Variants in STK39 observed in about 807,000 individuals in gnomAD.
STK39 encodes the protein serine/threonine kinase 39, also known as STE20/SPS1-related proline-alanine-rich protein kinase.
STK39 carries 20 observed loss-of-function variants against 77.8 expected under a neutral mutation model. That is an observed-to-expected ratio of 0.26 (90% CI 0.18 to 0.37). STK39 has a LOEUF of 0.37. STK39 is among the 10% of genes least tolerant of loss of function. The pLI is 1.00. For synonymous variants in STK39, 246 were observed against 234.1 expected, an observed-to-expected ratio of 1.05 and a Z score of -0.47; for missense variants, 479 against 656.5, an observed-to-expected ratio of 0.73 and a Z score of 2.95.
At chr2:168,063,656 C>G in intron 13 of STK39, 86 bp from the exon 14 acceptor site, 2 of 1,282,132 alleles carry the variant, frequency 1.6e-6, no homozygotes, top group South Asian at 2.7e-5. Flanking sequence ...TTCATATAGC[C>G]ATTTCTTTCT....
At chr2:168,111,560 C>T (rs1401486396) in intron 10 of STK39, among the ~76,000 whole-genome samples, 1 of 152,154 alleles carries the variant, frequency 6.6e-6, no homozygotes, top group African/African-American at 2.4e-5. Context: ...TGTTTTACTT[C>T]TCTAGCTGAT....
At chr2:167,964,618 C>A (rs1173882318) in intron 17 of STK39, 44 bp downstream of exon 17, 1 of 1,525,232 alleles carries the variant, frequency 6.6e-7, no homozygotes, top group South Asian at 1.1e-5. Flanking sequence ...GCTGGCACAG[C>A]ATGGCAAAAT....
chr2:168,228,661 A>C (rs1204512204), intron 1 of STK39, among the ~76,000 whole-genome samples: 2 of 152,106 alleles, frequency 1.3e-5, no homozygotes, highest in Admixed American at 6.5e-5. Context: ...GTGGTGGTAC[A>C]TGCCTGTAAT....
At chr2:167,973,394 T>C (rs1692403556) in intron 16 of STK39, among the ~76,000 whole-genome samples, 2 of 152,326 alleles carry the variant, frequency 1.3e-5, no homozygotes, top group Admixed American at 6.5e-5. Context: ...GAATTAGCCA[T>C]GCCCCCTAGC....
intron 4 of STK39, 128 bp downstream of exon 4, chr2:168,163,611 C>T: frequency 6.3e-7 from 1 of 1,586,298 alleles, no homozygotes; most frequent in Non-Finnish European, 8.5e-7. Flanking sequence ...ATATGAACAT[C>T]TGAATTTAAA....
chr2:168,070,282 G>A (rs1250405123), intron 12 of STK39, among the ~76,000 whole-genome samples: 2 of 152,124 alleles, frequency 1.3e-5, no homozygotes, highest in Non-Finnish European at 2.9e-5. Flanking sequence ...ATCAGGCACA[G>A]ATTAAACATC....
At chr2:167,998,458 T>C (rs549222411) in intron 16 of STK39, among the ~76,000 whole-genome samples, 18 of 152,360 alleles carry the variant, frequency 1.2e-4, no homozygotes, top group Non-Finnish European at 2.4e-4. Flanking sequence ...TTCTACTTTG[T>C]ATGTAGTGCT....
intron 5 of STK39, among the ~76,000 whole-genome samples, chr2:168,150,045 T>C (rs1688239200): frequency 1.3e-5 from 2 of 152,368 alleles, no homozygotes; most frequent in South Asian, 4.1e-4. Context: ...AGTCCCACTC[T>C]AGACCTACTG....
intron 10 of STK39, among the ~76,000 whole-genome samples, chr2:168,106,264 TC>T: frequency 6.6e-6 from 1 of 152,340 alleles, no homozygotes; most frequent in East Asian, 1.9e-4. Context: ...TTTATGCACC[TC>T]AGTTTTCTCA....
intron 1 of STK39, among the ~76,000 whole-genome samples, chr2:168,193,402 C>T (rs1375387884): frequency 6.6e-6 from 1 of 152,208 alleles, no homozygotes. Flanking sequence ...ATATGAACTG[C>T]AGGAACACAA....
chr2:167,980,794 TTAAAG>T (rs1349176917), intron 16 of STK39, among the ~76,000 whole-genome samples: 3 of 151,884 alleles, frequency 2.0e-5, no homozygotes, highest in African/African-American at 7.2e-5. Flanking sequence ...TCCAAAGCCT[TTAAAG>T]TAAAGGTTTT....
chr2:168,242,560 A>AAATATAT (rs1296747890), intron 1 of STK39, among the ~76,000 whole-genome samples: 11 of 44,854 alleles, frequency 2.5e-4, no homozygotes, highest in African/African-American at 7.7e-4. Context: ...AAAAAAAAAA[A>AAATATAT]ATATATATAT....
At chr2:168,010,979 A>G (rs1684255305) in intron 16 of STK39, among the ~76,000 whole-genome samples, 1 of 152,204 alleles carries the variant, frequency 6.6e-6, no homozygotes, top group Non-Finnish European at 1.5e-5. Flanking sequence ...CTTATTTTGA[A>G]TAAGTTATTT....
intron 10 of STK39, among the ~76,000 whole-genome samples, chr2:168,090,752 C>G (rs1447853549): frequency 1.3e-5 from 2 of 152,166 alleles, no homozygotes; most frequent in African/African-American, 4.8e-5. Context: ...CAGAAAACAA[C>G]CATCTTTTGC....
chr2:168,080,104 C>A (rs1686188131), intron 10 of STK39, among the ~76,000 whole-genome samples: 1 of 152,132 alleles, frequency 6.6e-6, no homozygotes, highest in Admixed American at 6.5e-5. Flanking sequence ...CAAGTCCATC[C>A]AATGGAGCAA....
At chr2:168,195,972 G>A (rs539019531) in intron 1 of STK39, among the ~76,000 whole-genome samples, 1 of 152,124 alleles carries the variant, frequency 6.6e-6, no homozygotes, top group Non-Finnish European at 1.5e-5. Flanking sequence ...GGCCAAGATC[G>A]TGCCATTGCA....
At chr2:168,064,307 C>T (rs1685739991) in intron 13 of STK39, among the ~76,000 whole-genome samples, 1 of 152,156 alleles carries the variant, frequency 6.6e-6, no homozygotes, top group Admixed American at 6.5e-5. Context: ...TCTCTTTGCC[C>T]TCTGATCCAT....
chr2:168,012,576 A>C, intron 16 of STK39, 58 bp downstream of exon 16: 1 of 1,449,016 alleles, frequency 6.9e-7, no homozygotes, highest in East Asian at 2.3e-5. Context: ...TTTGCTTCCA[A>C]ACACATTTCC....
chr2:167,989,863 G>A (rs1683653624), intron 16 of STK39, among the ~76,000 whole-genome samples: 1 of 151,954 alleles, frequency 6.6e-6, no homozygotes, highest in Admixed American at 6.6e-5. Context: ...ACAGTGATAA[G>A]CAGTAAAAAA....
Sources: gnomAD v4.1 joint callset for allele counts (sites outside exome capture counted in the v4.1 genomes callset) on GRCh38, gnomAD v4.1.1 for gene constraint, MANE v1.5 for transcripts, NCBI Gene and HGNC (gene_info 2026-07-23, HGNC 2026-07-21) for gene names.